GABRB1: variants seen among roughly 807,000 people sequenced by gnomAD.
GABRB1 encodes gamma-aminobutyric acid receptor subunit beta-1.
A neutral mutation model predicts 51.6 loss-of-function variants in GABRB1; 17 were observed. The observed-to-expected ratio is 0.33, with a 90% CI of 0.23 to 0.49. The LOEUF is 0.49. GABRB1 is among the 20% of genes least tolerant of loss of function. The pLI is 0.99. For missense variants in GABRB1, 410 were observed against 600.6 expected, an observed-to-expected ratio of 0.68 and a Z score of 3.32; for synonymous variants, 247 against 218.9, an observed-to-expected ratio of 1.13 and a Z score of -1.14.
At chr4:47,126,447 G>T (rs1189727467) in intron 3 of GABRB1, among the ~76,000 whole-genome samples, 2 of 152,134 alleles carry the variant, frequency 1.3e-5, no homozygotes, top group African/African-American at 2.4e-5. Flanking sequence ...TCATAATTAT[G>T]TGAGGTTATA....
chr4:47,038,598 A>G (rs553261974), intron 3 of GABRB1, among the ~76,000 whole-genome samples: 1 of 152,280 alleles, frequency 6.6e-6, no homozygotes, highest in Non-Finnish European at 1.5e-5. Context: ...AAATCCTTCC[A>G]TGAGGTGACT....
chr4:47,076,367 A>C (rs1727549453), intron 3 of GABRB1, among the ~76,000 whole-genome samples: 1 of 152,212 alleles, frequency 6.6e-6, no homozygotes, highest in Non-Finnish European at 1.5e-5. Context: ...ACAGCAGCTC[A>C]GACTAAGCAA....
intron 3 of GABRB1, among the ~76,000 whole-genome samples, chr4:47,085,903 G>T (rs1328127405): frequency 1.3e-5 from 2 of 152,200 alleles, no homozygotes; most frequent in African/African-American, 2.4e-5. Flanking sequence ...AAGCTGCCAG[G>T]CCTCTGAAGG....
chr4:47,208,108 A>G (rs902857136), intron 4 of GABRB1, among the ~76,000 whole-genome samples: 1 of 152,106 alleles, frequency 6.6e-6, no homozygotes. Flanking sequence ...ATAAGTGGAT[A>G]CACAATAAGG....
intron 8 of GABRB1, among the ~76,000 whole-genome samples, chr4:47,415,661 T>G (rs1728893495): frequency 6.6e-6 from 1 of 152,122 alleles, no homozygotes; most frequent in Non-Finnish European, 1.5e-5. Flanking sequence ...GGCATTATCA[T>G]CAGAGGAAGG....
At chr4:47,418,353 G>T (rs963441285) in intron 8 of GABRB1, among the ~76,000 whole-genome samples, 1 of 152,308 alleles carries the variant, frequency 6.6e-6, no homozygotes, top group African/African-American at 2.4e-5. Context: ...AATCTGCAGG[G>T]CTTGCTGGAA....
In GABRB1 at chr4:47,259,201, C is replaced by G. The variant is rs550902903; in HGVS notation, c.462-60926C>G. On this transcript the variant is annotated intron_variant, in intron 4 of 8. Transcript: ENST00000295454. ...AATTCACTTTCAGCCACAAACAAAT[C>G]CAGCCTTCACATTGTGCAGAAGGTT... Among the ~76,000 whole-genome samples the G allele has an allele frequency of 2.0e-5, 3 of 152,172 alleles. No homozygotes were observed. The South Asian group carries it at 6.2e-4, about 32-fold the overall frequency.
chr4:47,370,085 GAC>G (rs1727132196), intron 5 of GABRB1, among the ~76,000 whole-genome samples: 1 of 151,684 alleles, frequency 6.6e-6, no homozygotes, highest in Admixed American at 6.6e-5. Context: ...AACAGAAAGA[GAC>G]ACACACAAAC....
rs569929795 is a variant in GABRB1, at chr4:47,391,236, A to C, written c.545-12082A>C. 6.1e-4 allele frequency among the ~76,000 whole-genome samples: 93 copies of C among 152,184 alleles called. No individual in the cohort carries two copies. The Middle Eastern group carries it at 0.014, about 22-fold the overall frequency. On this transcript the variant is annotated intron_variant, in intron 5 of 8. Transcript: ENST00000295454. The stretch of plus-strand genomic sequence containing the variant: ...TTCTTTTTTTCCCCAAATCATCTGT[A>C]ATTACCTCTGCCTTGAACACTAAGC...
chr4:47,091,550 T>A (rs574534980), intron 3 of GABRB1, among the ~76,000 whole-genome samples: 3 of 152,272 alleles, frequency 2.0e-5, no homozygotes, highest in Non-Finnish European at 4.4e-5. Context: ...TCAGTGAATG[T>A]CACAATTGTC....
intron 5 of GABRB1, among the ~76,000 whole-genome samples, chr4:47,386,348 A>AT (rs1372713132): frequency 1.3e-5 from 2 of 152,114 alleles, no homozygotes; most frequent in South Asian, 2.1e-4. Context: ...ATGACTAAGG[A>AT]TTTTTTTCTG....
intron 3 of GABRB1, among the ~76,000 whole-genome samples, chr4:47,067,369 G>C (rs1265427676): frequency 1.3e-5 from 2 of 152,204 alleles, no homozygotes; most frequent in African/African-American, 4.8e-5. Context: ...CTTTGAAGCT[G>C]TGAAGGGAAG....
chr4:47,307,981 C>A, intron 4 of GABRB1, among the ~76,000 whole-genome samples: 1 of 151,832 alleles, frequency 6.6e-6, no homozygotes, highest in East Asian at 1.9e-4. Context: ...TAGCACAATC[C>A]TTGAAGAAAG....
At position 47,109,563 on chromosome 4, in the gene GABRB1, G is replaced by C. The variant is rs181476640; in HGVS notation, c.241-51686G>C. ...CTCTATACAAATAGAGACTGCAAGG[G>C]AGACCTATAGGTGGCGGCCATGTGT... On this transcript the variant is annotated intron_variant, in intron 3 of 8. Transcript: ENST00000295454. Among the ~76,000 whole-genome samples the C allele has an allele frequency of 8.5e-5, 13 of 152,150 alleles. No homozygotes were observed. The East Asian group carries it at 2.3e-3, about 27-fold the overall frequency.
chr4:47,251,298 C>T lies in GABRB1; in HGVS notation c.462-68829C>T, dbSNP rs936873646. Among the ~76,000 whole-genome samples the T allele has an allele frequency of 7.9e-5, 12 of 152,254 alleles. 1 individual carries two copies. The highest frequency in any genetic ancestry group is 3.4e-3 in the Middle Eastern group (1 of 294). Reference sequence around the variant, plus strand: ...CTGCACAGAGTCTTATGATGTGAACCGTCTATGGGTCTTTCAGTCATAGAT... The same window carrying T: ...CTGCACAGAGTCTTATGATGTGAACTGTCTATGGGTCTTTCAGTCATAGAT... On this transcript the variant is annotated intron_variant, in intron 4 of 8. Coordinates refer to ENST00000295454, the MANE Select transcript of GABRB1 (RefSeq NM_000812.4).
intron 4 of GABRB1, among the ~76,000 whole-genome samples, chr4:47,289,493 G>A (rs970623518): frequency 6.6e-6 from 1 of 152,096 alleles, no homozygotes; most frequent in Non-Finnish European, 1.5e-5. Context: ...TCAACCTTCA[G>A]CCTGGATTCT....
At chr4:47,050,879 G>T (rs1374158281) in intron 3 of GABRB1, among the ~76,000 whole-genome samples, 4 of 151,726 alleles carry the variant, frequency 2.6e-5, no homozygotes, top group Non-Finnish European at 5.9e-5. Flanking sequence ...TTCCTTAATT[G>T]ACTAGTAATG....
At chr4:47,009,790 C>T (rs1322242044) in intron 1 of GABRB1, among the ~76,000 whole-genome samples, 1 of 152,164 alleles carries the variant, frequency 6.6e-6, no homozygotes, top group Non-Finnish European at 1.5e-5. Context: ...ATGTATTGAC[C>T]ACTGAGTGAT....
chr4:47,425,744 T>G lies in GABRB1; in HGVS notation c.1151T>G (p.Leu384Arg). Residue 384 changes from leucine to arginine, a missense_variant, in exon 9 of 9, where the codon CTC (leucine) becomes CGC (arginine). Physicochemically the swap from Leu to Arg is moderately radical, Grantham distance 102. Coordinates refer to ENST00000295454, the MANE Select transcript of GABRB1 (RefSeq NM_000812.4). ...AATGAGACGAGTGGCTCGGAAGTGC[T>G]CACGAGCGTGAGCGACCCCAAGGCC... Reference protein sequence around the residue: ...IRNETSGSEVLTSVSDPKATM... With the variant: ...IRNETSGSEVRTSVSDPKATM... 2 of 1,614,112 alleles carry G rather than the reference T, an allele frequency of 1.2e-6. No homozygotes were observed. The highest frequency in any genetic ancestry group is 2.2e-5 in the East Asian group (1 of 44,880).
Sources: allele counts gnomAD v4.1 joint callset (sites outside exome capture counted in the v4.1 genomes callset), GRCh38; gene constraint gnomAD v4.1.1; transcripts MANE v1.5; gene names NCBI Gene and HGNC (gene_info 2026-07-23, HGNC 2026-07-21).